Variants in AGAP1 observed in about 807,000 individuals in gnomAD.
AGAP1 encodes arf-GAP with GTPase, ANK repeat and PH domain-containing protein 1.
In AGAP1, 29 loss-of-function variants were observed where a neutral mutation model predicts 105.3. The ratio of observed to expected loss-of-function variants is 0.28; its 90% CI spans 0.21 to 0.38. The LOEUF is 0.38. Ranked by LOEUF, AGAP1 falls within the 10% of genes least tolerant of loss-of-function variation. AGAP1 has a pLI of 1.00. For missense variants in AGAP1, 998 were observed against 1,165.1 expected (o/e 0.86, Z 2.09); for synonymous variants, 509 against 485.9 (o/e 1.05, Z -0.63).
intron 1 of AGAP1, among the ~76,000 whole-genome samples, chr2:235,624,008 C>T (rs1023799177): frequency 4.6e-5 from 7 of 152,092 alleles, no homozygotes; most frequent in Admixed American, 3.3e-4. Context: ...AGAAGAACAC[C>T]AAAATAAGGC....
rs1953422840 is a variant in AGAP1, at chr2:235,751,382, T to C, written c.673+894T>C. On this transcript the variant is annotated intron_variant, in intron 6 of 17. Coordinates refer to ENST00000304032, the MANE Select transcript of AGAP1 (RefSeq NM_001037131.3). This position sits in a 1 kb window ranked among gnomAD's most constrained non-coding sequence, Gnocchi z 5.3. ...TTAAATCCATGGGGGCAGAGCCACC[T>C]GTCCCCCTGCTCTGGTGCCCAGGGG... Among the ~76,000 whole-genome samples the C allele has an allele frequency of 6.6e-6, 1 of 152,074 alleles. No homozygotes were observed. Among genetic ancestry groups the C allele is most frequent in the Non-Finnish European group, 1.5e-5 (1 of 67,994 alleles).
At chr2:236,084,732 G>A (rs1307197442) in intron 16 of AGAP1, among the ~76,000 whole-genome samples, 2 of 151,798 alleles carry the variant, frequency 1.3e-5, no homozygotes, top group African/African-American at 2.4e-5. Flanking sequence ...GTGAAACCAC[G>A]TCTCTGCTAA....
rs550011808 is a variant in AGAP1 at position 236,121,565 on chromosome 2, C to T, written c.2370+1118C>T. Among the ~76,000 whole-genome samples the T allele has an allele frequency of 5.7e-4, 87 of 152,274 alleles. 1 individual carries two copies. The highest frequency in any genetic ancestry group is 2.0e-3 in the African/African-American group (83 of 41,568). ...CCACCCGCCTCGGCCTCCCAAAGTG[C>T]TGGGAGTACAGGCATGACCCACCAC... On this transcript the variant is annotated intron_variant, in intron 17 of 17. Transcript: ENST00000304032. This position sits in a 1 kb window ranked among gnomAD's most constrained non-coding sequence, Gnocchi z 4.9.
At chr2:235,929,976 C>T (rs1330436221) in intron 11 of AGAP1, among the ~76,000 whole-genome samples, 3 of 152,184 alleles carry the variant, frequency 2.0e-5, no homozygotes, top group Non-Finnish European at 4.4e-5. Flanking sequence ...CGAAGATCTG[C>T]AAATAGACCT....
Position 236,093,339 on chromosome 2 carries a change from A to T in AGAP1, c.2115-26853A>T, listed in dbSNP as rs534092179. ...CTTGGTCATTGTAAAGGGGGAAGGG[A>T]CCTGGACAGAGACCTGGTGGCTCCT... On this transcript the variant is annotated intron_variant, in intron 16 of 17. Transcript: ENST00000304032. Among the ~76,000 whole-genome samples, 10 of 152,302 alleles carry T rather than the reference A, an allele frequency of 6.6e-5. No individual in the cohort carries two copies. In the South Asian group the frequency reaches 2.1e-3, roughly 32 times the overall value.
chr2:236,115,969 T>G (rs2059761006), intron 16 of AGAP1, among the ~76,000 whole-genome samples: 1 of 151,714 alleles, frequency 6.6e-6, no homozygotes, highest in East Asian at 2.0e-4. Flanking sequence ...CATGCCAGGC[T>G]GATTTTTGTA....
rs1179697387 is a variant in AGAP1, at chr2:235,601,127, A to G, written c.163+106278A>G. ...CACTGTGTTAGCTTGGGCTGCCACG[A>G]CAGAGACCACAGAGTGGGTGGCTTA... On this transcript the variant is annotated intron_variant, in intron 1 of 17. Coordinates refer to ENST00000304032, the MANE Select transcript of AGAP1 (RefSeq NM_001037131.3). This position sits in a 1 kb window ranked among gnomAD's most constrained non-coding sequence, Gnocchi z 4.4. Among the ~76,000 whole-genome samples the G allele has an allele frequency of 6.6e-6, 1 of 152,168 alleles. No individual in the cohort carries two copies. Among genetic ancestry groups the G allele is most frequent in the Non-Finnish European group, 1.5e-5 (1 of 68,026 alleles).
rs1265322247 is a variant in AGAP1 at position 235,600,651 on chromosome 2, A to G, written c.163+105802A>G. Among the ~76,000 whole-genome samples, 3 of 152,212 alleles carry G rather than the reference A, an allele frequency of 2.0e-5. No homozygotes were observed. Among genetic ancestry groups the G allele is most frequent in the Non-Finnish European group, 2.9e-5 (2 of 68,038 alleles). On this transcript the variant is annotated intron_variant, in intron 1 of 17. Coordinates refer to ENST00000304032, the MANE Select transcript of AGAP1 (RefSeq NM_001037131.3). This position sits in a 1 kb window ranked among gnomAD's most constrained non-coding sequence, Gnocchi z 4.8. ...TGGAGCCTGATGTTCGAGGGCAGGAAGCATCCAGCACAGGACAAAGATACA... is the reference window on the plus strand; with the variant it reads ...TGGAGCCTGATGTTCGAGGGCAGGAGGCATCCAGCACAGGACAAAGATACA...
At chr2:235,918,523 C>T (rs1056162378) in intron 11 of AGAP1, among the ~76,000 whole-genome samples, 1 of 152,202 alleles carries the variant, frequency 6.6e-6, no homozygotes, top group Non-Finnish European at 1.5e-5. Flanking sequence ...TGCGTTCTCA[C>T]TATTAGTTGT....
intron 1 of AGAP1, among the ~76,000 whole-genome samples, chr2:235,589,482 C>T (rs928097131): frequency 3.9e-5 from 6 of 152,106 alleles, no homozygotes; most frequent in African/African-American, 1.4e-4. Flanking sequence ...GTTGGGATTA[C>T]AGGCATGAGC....
In AGAP1 at chr2:236,092,990, T is replaced by C. The variant is rs1027071557; in HGVS notation, c.2115-27202T>C. ...ACAATTGAAGCATCTAAAAGAATAGTGTTGGTGGCAGTTTATGTGACACAT... is the reference window on the plus strand; with the variant it reads ...ACAATTGAAGCATCTAAAAGAATAGCGTTGGTGGCAGTTTATGTGACACAT... On this transcript the variant is annotated intron_variant, in intron 16 of 17. Transcript: ENST00000304032. This position sits in a 1 kb window ranked among gnomAD's most constrained non-coding sequence, Gnocchi z 4.7. 3.3e-5 allele frequency among the ~76,000 whole-genome samples: 5 copies of C among 152,144 alleles called. No homozygotes were observed. Among genetic ancestry groups the C allele is most frequent in the African/African-American group, 9.7e-5 (4 of 41,434 alleles).
chr2:236,006,654 A>T (rs1446440378), intron 13 of AGAP1, among the ~76,000 whole-genome samples: 1 of 152,196 alleles, frequency 6.6e-6, no homozygotes, highest in African/African-American at 2.4e-5. Flanking sequence ...GTGGAAACAT[A>T]ATACTTTACA....
intron 6 of AGAP1, among the ~76,000 whole-genome samples, chr2:235,758,514 AC>A (rs1954127009): frequency 6.6e-6 from 1 of 151,936 alleles, no homozygotes; most frequent in South Asian, 2.1e-4. Flanking sequence ...CCGTCTCTAC[AC>A]CCTCACCCCC....
chr2:235,678,257 T>C (rs534537165), intron 1 of AGAP1, among the ~76,000 whole-genome samples: 1 of 152,322 alleles, frequency 6.6e-6, no homozygotes, highest in South Asian at 2.1e-4. Context: ...TATTCTCTCC[T>C]GATCTGGTTC....
intron 12 of AGAP1, among the ~76,000 whole-genome samples, chr2:235,932,141 G>A (rs1033525620): frequency 6.6e-6 from 1 of 152,200 alleles, no homozygotes; most frequent in Non-Finnish European, 1.5e-5. Flanking sequence ...TACTCTCTTT[G>A]TAACCACTGC....
At chr2:235,980,514 T>C (rs1430082543) in intron 13 of AGAP1, among the ~76,000 whole-genome samples, 1 of 152,176 alleles carries the variant, frequency 6.6e-6, no homozygotes, top group Non-Finnish European at 1.5e-5. Context: ...ATTTAAGATA[T>C]CTCACCGCAT....
chr2:236,010,563 A>G (rs2056475860), intron 13 of AGAP1, among the ~76,000 whole-genome samples: 1 of 152,196 alleles, frequency 6.6e-6, no homozygotes, highest in Non-Finnish European at 1.5e-5. Context: ...CCATCTGCCA[A>G]CCTGAAGACG....
rs1575178464 is a variant in AGAP1, at chr2:235,705,331, T to C, written c.164-3848T>C. On this transcript the variant is annotated intron_variant, in intron 1 of 17. Transcript: ENST00000304032. The surrounding 1 kb of genome is among the most constrained non-coding windows in gnomAD (Gnocchi z 4.9). ...CTCTGTGCCACTGGATTCTGGCTGG[T>C]CCAGGAACACAGGTGTGCACACATC... Among the ~76,000 whole-genome samples the C allele has an allele frequency of 6.6e-6, 1 of 152,176 alleles. No individual in the cohort carries two copies. Among genetic ancestry groups the C allele is most frequent in the South Asian group, 2.1e-4 (1 of 4,824 alleles).
intron 9 of AGAP1, among the ~76,000 whole-genome samples, chr2:235,812,114 C>G (rs545915379): frequency 6.7e-4 from 102 of 152,316 alleles, no homozygotes; most frequent in African/African-American, 2.2e-3. Flanking sequence ...CAGGCACGCT[C>G]CCTTTTGTGA....
Sources: gnomAD v4.1 joint callset for allele counts (sites outside exome capture counted in the v4.1 genomes callset) on GRCh38, gnomAD v4.1.1 for gene constraint, Gnocchi (gnomAD v3.1) non-coding constraint, MANE v1.5 for transcripts, NCBI Gene and HGNC (gene_info 2026-07-23, HGNC 2026-07-21) for gene names.